Variants in NFIX observed in about 807,000 individuals in gnomAD.
NFIX encodes the protein nuclear factor 1 X-type.
A neutral mutation model predicts 53.3 loss-of-function variants in NFIX; 2 were observed. The ratio of observed to expected loss-of-function variants is 0.04; its 90% confidence interval spans 0.02 to 0.12. The LOEUF (loss-of-function observed/expected upper bound fraction) is 0.12, where lower values mean the gene tolerates loss of function less well. Among genes scored for constraint, NFIX ranks in the 10% least tolerant of loss-of-function variants. The probability of loss-of-function intolerance (pLI) is 1.00; values close to 1 mark genes in which losing one functional copy is unlikely to be tolerated. For missense variants in NFIX, 310 were observed against 674.5 expected (o/e 0.46, Z 5.99); for synonymous variants, 244 against 289.0 (o/e 0.84, Z 1.58).
At chr19:13,057,788 T>C (rs1452326287) in intron 2 of NFIX, among the ~76,000 whole-genome samples, 2 of 140,004 alleles carry the variant, frequency 1.4e-5, no homozygotes, top group African/African-American at 5.9e-5. Context: ...AGCCAGATGT[T>C]GGACTACCTG....
chr19:13,088,979 A>G lies in NFIX; in HGVS notation c.1402+843A>G, dbSNP rs1367566327. Among the ~76,000 whole-genome samples the G allele has an allele frequency of 8.5e-6, 1 of 118,094 alleles. No homozygotes were observed. Among genetic ancestry groups the G allele is most frequent in the East Asian group, 2.7e-4 (1 of 3,682 alleles). 77.5% of individuals were successfully genotyped at this position (118,094 alleles called of 152,430 possible). A position where few individuals can be genotyped will look rare whatever the true frequency, so the allele number is the denominator to read the frequency against. ...ATGGGGCGGGTGCTGTCTGTGGGCC[A>G]GGGTGGGCAGCTCTGGGGGTGGGCA... is the stretch of plus-strand genomic sequence containing the variant. On this transcript the variant is annotated intron_variant, in intron 9 of 10. Transcript: ENST00000592199. This position sits in a 1 kb window ranked among gnomAD's most constrained non-coding sequence, Gnocchi z 5.9.
chr19:13,085,472 T>C (rs574908259), intron 8 of NFIX, among the ~76,000 whole-genome samples: 1 of 152,278 alleles, frequency 6.6e-6, no homozygotes, highest in East Asian at 1.9e-4. Context: ...GATCAGACCG[T>C]CCCATTCCCT....
At chr19:13,023,529 T>C (rs2013081377) in intron 1 of NFIX, among the ~76,000 whole-genome samples, 2 of 152,036 alleles carry the variant, frequency 1.3e-5, no homozygotes, top group African/African-American at 4.8e-5. Flanking sequence ...TCCTGGGTTT[T>C]GTTTTTGTTT....
intron 2 of NFIX, among the ~76,000 whole-genome samples, chr19:13,033,290 C>A (rs1029692655): frequency 1.3e-5 from 2 of 152,108 alleles, no homozygotes; most frequent in African/African-American, 4.8e-5. Context: ...CTGGACCTTA[C>A]CCCCCAGGTG....
chr19:13,085,264 A>G (rs1235200078), intron 8 of NFIX, among the ~76,000 whole-genome samples: 1 of 152,142 alleles, frequency 6.6e-6, no homozygotes, highest in African/African-American at 2.4e-5. Flanking sequence ...GTTGTAAATC[A>G]GCAGGTTTCA....
At position 13,078,508 on chromosome 19, in the gene NFIX, G is replaced by A; in HGVS notation, c.956-105G>A. The A allele has an allele frequency of 2.2e-6, 3 of 1,375,678 alleles. No homozygotes were observed. The highest frequency in any genetic ancestry group is 3.0e-6 in the Non-Finnish European group (3 of 1,006,488). 85.2% of individuals were successfully genotyped at this position (1,375,678 alleles called of 1,614,324 possible). A position where few individuals can be genotyped will look rare whatever the true frequency, so the allele number is the denominator to read the frequency against. On this transcript the variant is annotated intron_variant, in intron 6 of 10. Coordinates refer to ENST00000592199, the MANE Select transcript of NFIX (RefSeq NM_001365902.3). The surrounding 1 kb of genome is among the most constrained non-coding windows in gnomAD (Gnocchi z 4.7). ...GGAGCACAGTGGAGGAAGGGGCAGTGGGGAGGGGCTGAGGAGAGAAGGAGC... is the reference window on the plus strand; with the variant it reads ...GGAGCACAGTGGAGGAAGGGGCAGTAGGGAGGGGCTGAGGAGAGAAGGAGC...
In NFIX at chr19:13,075,689, C is replaced by T. The variant is rs763854981; in HGVS notation, c.955+18C>T. ...GGATGCAGGTATGGGTGCGGGGGAT[C>T]CTGACCCAGAGCAAGGGCAGCCCAG... On this transcript the variant is annotated intron_variant, in intron 6 of 10. Coordinates refer to ENST00000592199, the MANE Select transcript of NFIX (RefSeq NM_001365902.3). The T allele has an allele frequency of 6.2e-7, 1 of 1,609,908 alleles. No individual in the cohort carries two copies. The highest frequency in any genetic ancestry group is 8.5e-7 in the Non-Finnish European group (1 of 1,177,244).
At position 13,094,413 on chromosome 19, in the gene NFIX, C is replaced by T. The variant is rs1178712618; in HGVS notation, c.1495-222C>T. ...CACGGGAAGGCCAGCTGGACTCTAG[C>T]ACTAGGGGCAGAGTCTCTGAGGGGG... On this transcript the variant is annotated intron_variant, in intron 10 of 10. Transcript: ENST00000592199. The surrounding 1 kb of genome is among the most constrained non-coding windows in gnomAD (Gnocchi z 4.3). Among the ~76,000 whole-genome samples, 1 of 152,206 alleles carries T rather than the reference C, an allele frequency of 6.6e-6. No homozygotes were observed. Among genetic ancestry groups the T allele is most frequent in the African/African-American group, 2.4e-5 (1 of 41,450 alleles).
At chr19:13,085,441 G>A (rs1189453062) in intron 8 of NFIX, among the ~76,000 whole-genome samples, 1 of 152,208 alleles carries the variant, frequency 6.6e-6, no homozygotes, top group Non-Finnish European at 1.5e-5. Context: ...CGGGACACCT[G>A]GAGAGGAGGA....
intron 2 of NFIX, among the ~76,000 whole-genome samples, chr19:13,026,404 A>G (rs2013354585): frequency 6.6e-6 from 1 of 151,840 alleles, no homozygotes; most frequent in Non-Finnish European, 1.5e-5. Context: ...ACTCTGTAAA[A>G]TCTCCTTTTC....
chr19:13,022,803 C>T lies in NFIX; in HGVS notation c.28-2218C>T, dbSNP rs2145181672. Among the ~76,000 whole-genome samples, 1 of 152,238 alleles carries T rather than the reference C, an allele frequency of 6.6e-6. No individual in the cohort carries two copies. Among genetic ancestry groups the T allele is most frequent in the South Asian group, 2.1e-4 (1 of 4,826 alleles). ...TTCGAGTCTTCCACAATCCCAGTCC[C>T]CCCCAATGCCCCACCCCACCCCCAG... On this transcript the variant is annotated intron_variant, in intron 1 of 10. Transcript: ENST00000592199. The surrounding 1 kb of genome is among the most constrained non-coding windows in gnomAD (Gnocchi z 4.5).
intron 1 of NFIX, among the ~76,000 whole-genome samples, chr19:13,020,228 CTT>C (rs1157559078): frequency 6.6e-6 from 1 of 152,160 alleles, no homozygotes; most frequent in Non-Finnish European, 1.5e-5. Flanking sequence ...AGCCTCCACT[CTT>C]TAACAAAAGG....
At position 13,068,395 on chromosome 19, in the gene NFIX, G is replaced by T. The variant is rs928449380; in HGVS notation, c.560-4652G>T. Among the ~76,000 whole-genome samples the T allele has an allele frequency of 6.6e-6, 1 of 152,232 alleles. No homozygotes were observed. Among genetic ancestry groups the T allele is most frequent in the Non-Finnish European group, 1.5e-5 (1 of 68,044 alleles). On this transcript the variant is annotated intron_variant, in intron 2 of 10. Transcript: ENST00000592199. The surrounding 1 kb of genome is among the most constrained non-coding windows in gnomAD (Gnocchi z 4.2). ...CAAGGGGAAAGGCAGCTGAATAAAA[G>T]AAGTAAGGTGGGGACTTGTTCCAGG...
chr19:13,003,597 T>C (rs2011845002), intron 1 of NFIX, among the ~76,000 whole-genome samples: 1 of 152,044 alleles, frequency 6.6e-6, no homozygotes, highest in East Asian at 1.9e-4. Flanking sequence ...CCTAACCCAG[T>C]GTCACCCACC....
chr19:13,048,821 CCAA>C (rs2015150385), intron 2 of NFIX, among the ~76,000 whole-genome samples: 3 of 152,044 alleles, frequency 2.0e-5, no homozygotes, highest in Non-Finnish European at 2.9e-5. Flanking sequence ...GCCTATAATC[CCAA>C]CATTTTGGGA....
rs2016497533 is a variant in NFIX at position 13,067,494 on chromosome 19, GTGTGTGTGTGTA to G, written c.560-5543_560-5532del. ...TGTGTGTGTGTGTGCGTGTGTGTGT[GTGTGTGTGTGTA>G]TGTGTGTGTCTGAGTCTGAGCATAT... is the stretch of plus-strand genomic sequence containing the variant. On this transcript the variant is annotated intron_variant, in intron 2 of 10. Transcript: ENST00000592199. The surrounding 1 kb of genome is among the most constrained non-coding windows in gnomAD (Gnocchi z 4.2). 6.6e-6 allele frequency among the ~76,000 whole-genome samples: 1 copy of G among 151,770 alleles called. No individual in the cohort carries two copies. Among genetic ancestry groups the G allele is most frequent in the Non-Finnish European group, 1.5e-5 (1 of 67,898 alleles).
chr19:13,081,756 G>T lies in NFIX; in HGVS notation c.1155G>T (p.Thr385=), dbSNP rs766182073. The T allele has an allele frequency of 1.2e-6, 2 of 1,613,744 alleles. No individual in the cohort carries two copies. The highest frequency in any genetic ancestry group is 1.7e-6 in the Non-Finnish European group (2 of 1,179,878). The change falls in exon 8 of 11, where the codon ACG becomes ACT. Residue 385 remains threonine, a synonymous_variant. Coordinates refer to ENST00000592199, the MANE Select transcript of NFIX (RefSeq NM_001365902.3). The surrounding 1 kb of genome is among the most constrained non-coding windows in gnomAD (Gnocchi z 4.7). Reference sequence around the variant, plus strand: ...TCCAGCAGTCGAGCCCGTATTTCACGCACCCGACCATCCGCTACCACCACC... The same window carrying T: ...TCCAGCAGTCGAGCCCGTATTTCACTCACCCGACCATCCGCTACCACCACC... The part of the protein sequence containing the change: ...SIIQQSSPYF[T]HPTIRYHHHH...
chr19:13,041,983 C>T (rs564711899), intron 2 of NFIX, among the ~76,000 whole-genome samples: 27 of 150,864 alleles, frequency 1.8e-4, no homozygotes, highest in African/African-American at 6.6e-4. Context: ...CTGCAAGTTC[C>T]GCCTCCCAGA....
At chr19:13,084,682 A>G (rs1030561493) in intron 8 of NFIX, among the ~76,000 whole-genome samples, 6 of 152,142 alleles carry the variant, frequency 3.9e-5, no homozygotes, top group African/African-American at 1.2e-4. Context: ...GCCCAATGGG[A>G]GAGCATGACT....
Sources: gnomAD v4.1 joint callset for allele counts (sites outside exome capture counted in the v4.1 genomes callset) on GRCh38, gnomAD v4.1.1 for gene constraint, Gnocchi (gnomAD v3.1) non-coding constraint, MANE v1.5 for transcripts, NCBI Gene and HGNC (gene_info 2026-07-23, HGNC 2026-07-21) for gene names.